TRPS1: variants seen among roughly 807,000 people sequenced by gnomAD.
TRPS1 encodes the protein transcriptional repressor GATA binding 1, also known as zinc finger transcription factor Trps1.
In TRPS1, 6 loss-of-function variants were observed where a neutral mutation model predicts 101.2. The observed-to-expected ratio is 0.06, with a 90% CI of 0.03 to 0.12. TRPS1 has a LOEUF of 0.12. Among genes scored for constraint, TRPS1 ranks in the 10% least tolerant of loss-of-function variants. The pLI, the probability that TRPS1 is intolerant of heterozygous loss-of-function variation, is 1.00. For synonymous variants in TRPS1, 578 were observed against 589.8 expected (o/e 0.98, Z 0.29); for missense variants, 1,363 against 1,567.0 (o/e 0.87, Z 2.20).
rs1226562548 is a variant in TRPS1 at position 115,515,064 on chromosome 8, A to T, written c.2700+71937T>A. On this transcript the variant is annotated intron_variant, in intron 5 of 6. Coordinates refer to ENST00000395715, the MANE Select transcript of TRPS1 (RefSeq NM_014112.5). Reference sequence around the variant, plus strand: ...AAGATGGCATATACTGTGTAAGAAAAATTTGTTGAGGACTCAAGAGAAATG... The same window carrying T: ...AAGATGGCATATACTGTGTAAGAAATATTTGTTGAGGACTCAAGAGAAATG... 2.3e-5 allele frequency: 13 copies of T among 571,642 alleles called. No homozygotes were observed. The East Asian group carries it at 3.3e-4, about 15-fold the overall frequency. The allele number at this position is 571,642 out of a possible 1,614,324, so 35.4% of individuals were successfully genotyped here. A position where few individuals can be genotyped will look rare whatever the true frequency, so the allele number is the denominator to read the frequency against.
rs1812718826 is a variant in TRPS1, at chr8:115,408,948, T to C, written c.*5075A>G. ...AGAAACTATGATTTTATCAGCCTAG[T>C]AATAGTTTTGCATCTTCATAGTCAA... On this transcript the variant is annotated 3_prime_UTR_variant, in exon 7 of 7. Transcript: ENST00000395715. 1 of 152,260 alleles carries C rather than the reference T, an allele frequency of 6.6e-6. No individual in the cohort carries two copies. Among genetic ancestry groups the C allele is most frequent in the Admixed American group, 6.6e-5 (1 of 15,202 alleles). 9.4% of individuals were successfully genotyped at this position (152,260 alleles called of 1,614,324 possible).
chr8:115,565,560 C>T (rs1016995658), intron 5 of TRPS1, among the ~76,000 whole-genome samples: 1 of 150,816 alleles, frequency 6.6e-6, no homozygotes, highest in Non-Finnish European at 1.5e-5. Flanking sequence ...ATTTGATAAG[C>T]GTGTGCTTTC....
rs930213368 is a variant in TRPS1, at chr8:115,424,456, G to A, written c.2701-6004C>T. ...GTGCCTGGCACTGTGCTACAAGCCA[G>A]GGTCACAGCGTGAGACAAACATGGT... On this transcript the variant is annotated intron_variant, in intron 5 of 6. Transcript: ENST00000395715. 6.0e-4 allele frequency among the ~76,000 whole-genome samples: 92 copies of A among 152,170 alleles called. 3 individuals are homozygous for A. The highest frequency in any genetic ancestry group is 1.0e-4 in the Non-Finnish European group (7 of 68,032).
intron 5 of TRPS1, among the ~76,000 whole-genome samples, chr8:115,542,222 C>T (rs1199489276): frequency 6.6e-6 from 1 of 152,148 alleles, no homozygotes; most frequent in Non-Finnish European, 1.5e-5. Context: ...GTCAGCATGA[C>T]ACAAAAATGC....
At chr8:115,497,876 T>C (rs1360135028) in intron 5 of TRPS1, among the ~76,000 whole-genome samples, 1 of 152,180 alleles carries the variant, frequency 6.6e-6, no homozygotes, top group East Asian at 1.9e-4. Context: ...ATTTCTGGTT[T>C]TGAAGTCCTC....
intron 5 of TRPS1, among the ~76,000 whole-genome samples, chr8:115,513,326 G>A (rs755238385): frequency 1.3e-5 from 2 of 151,306 alleles, no homozygotes; most frequent in African/African-American, 4.8e-5. Flanking sequence ...TATATTTTTG[G>A]GTACCATTTT....
intron 5 of TRPS1, among the ~76,000 whole-genome samples, chr8:115,575,522 T>C (rs1817298482): frequency 6.6e-6 from 1 of 152,124 alleles, no homozygotes; most frequent in African/African-American, 2.4e-5. Context: ...AAAATGTCTA[T>C]AATGAACATA....
intron 5 of TRPS1, among the ~76,000 whole-genome samples, chr8:115,536,107 C>A (rs1302878705): frequency 2.0e-5 from 3 of 151,838 alleles, no homozygotes; most frequent in African/African-American, 7.3e-5. Flanking sequence ...TACGTGTTAC[C>A]AAAACTATTC....
intron 5 of TRPS1, among the ~76,000 whole-genome samples, chr8:115,450,610 T>C (rs1233079569): frequency 3.3e-5 from 5 of 152,150 alleles, no homozygotes; most frequent in African/African-American, 4.8e-5. Flanking sequence ...ATTTAGAATC[T>C]TGTGGCCTGG....
At chr8:115,502,493 T>C (rs1373226737) in intron 5 of TRPS1, among the ~76,000 whole-genome samples, 1 of 152,216 alleles carries the variant, frequency 6.6e-6, no homozygotes, top group Non-Finnish European at 1.5e-5. Flanking sequence ...TTTGTAAGAC[T>C]GTAGGTTTCA....
At chr8:115,512,582 A>G (rs1260172848) in intron 5 of TRPS1, among the ~76,000 whole-genome samples, 1 of 151,526 alleles carries the variant, frequency 6.6e-6, no homozygotes, top group Non-Finnish European at 1.5e-5. Context: ...ATGAATCACC[A>G]TAATATTTTT....
chr8:115,589,481 C>T (rs373858313), intron 4 of TRPS1, among the ~76,000 whole-genome samples: 20 of 152,236 alleles, frequency 1.3e-4, no homozygotes, highest in Admixed American at 5.9e-4. Context: ...CAAGAGCTTA[C>T]ATTTTGTTGA....
At chr8:115,529,582 GAAGAA>G (rs1193254570) in intron 5 of TRPS1, among the ~76,000 whole-genome samples, 7 of 152,046 alleles carry the variant, frequency 4.6e-5, no homozygotes, top group African/African-American at 1.7e-4. Context: ...TACCTCTCCT[GAAGAA>G]GAGAAAGGTT....
At chr8:115,492,850 A>G (rs1016877812) in intron 5 of TRPS1, among the ~76,000 whole-genome samples, 2 of 151,992 alleles carry the variant, frequency 1.3e-5, no homozygotes, top group African/African-American at 4.8e-5. Flanking sequence ...AGTAGCTGAG[A>G]CTACAGTAGT....
At chr8:115,489,182 A>G (rs368093565) in intron 5 of TRPS1, among the ~76,000 whole-genome samples, 2 of 152,308 alleles carry the variant, frequency 1.3e-5, no homozygotes, top group Admixed American at 1.3e-4. Flanking sequence ...ACTTAGAAAC[A>G]TACACTATAT....
intron 5 of TRPS1, among the ~76,000 whole-genome samples, chr8:115,433,906 C>G (rs1813384558): frequency 1.3e-5 from 2 of 152,130 alleles, no homozygotes; most frequent in Admixed American, 6.6e-5. Flanking sequence ...TGTTACCTTT[C>G]TCCTTTTCAA....
At chr8:115,467,717 A>G (rs1351352011) in intron 5 of TRPS1, among the ~76,000 whole-genome samples, 2 of 152,172 alleles carry the variant, frequency 1.3e-5, no homozygotes, top group Non-Finnish European at 1.5e-5. Context: ...GTTCAATAGG[A>G]TAAGAAAGCA....
chr8:115,666,068 C>A (rs987457444), intron 1 of TRPS1, among the ~76,000 whole-genome samples: 2 of 151,984 alleles, frequency 1.3e-5, no homozygotes, highest in Non-Finnish European at 1.5e-5. Context: ...CTCTATTTGC[C>A]CCTCAGGAGT....
At chr8:115,438,387 A>T (rs1255108060) in intron 5 of TRPS1, among the ~76,000 whole-genome samples, 2 of 152,218 alleles carry the variant, frequency 1.3e-5, no homozygotes, top group African/African-American at 2.4e-5. Flanking sequence ...GAAGCCACAT[A>T]AGCAAAGACC....
Sources: gnomAD v4.1 joint callset for allele counts (sites outside exome capture counted in the v4.1 genomes callset) on GRCh38, gnomAD v4.1.1 for gene constraint, MANE v1.5 for transcripts, NCBI Gene and HGNC (gene_info 2026-07-23, HGNC 2026-07-21) for gene names.